UNC13C: variants seen among roughly 807,000 people sequenced by gnomAD.
UNC13C encodes protein unc-13 homolog C.
In UNC13C, 174 loss-of-function variants were observed where a neutral mutation model predicts 245.4. That is an observed-to-expected ratio of 0.71 (90% CI 0.63 to 0.80). UNC13C has a LOEUF of 0.80. UNC13C is among the 30% of genes least tolerant of loss of function. UNC13C has a pLI of 0.00. For synonymous variants in UNC13C, 992 were observed against 895.1 expected (o/e 1.11, Z -1.93); for missense variants, 2,829 against 2,602.9 (o/e 1.09, Z -1.89).
rs1317667034 is a variant in UNC13C, at chr15:54,624,178, TG to T, written c.6359+225del. ...AGGTGTCTGAATCAATCTTTTGCAG[TG>T]CACTCATATAAGTTACTTTCTACAG... On this transcript the variant is annotated intron_variant, in intron 32 of 32. Coordinates refer to ENST00000260323, the MANE Select transcript of UNC13C (RefSeq NM_001080534.3). 5.6e-4 allele frequency among the ~76,000 whole-genome samples: 86 copies of T among 152,300 alleles called. 1 individual carries two copies. Among genetic ancestry groups the T allele is most frequent in the Non-Finnish European group, 2.1e-4 (14 of 68,016 alleles).
chr15:54,454,218 T>C (rs2414311), intron 19 of UNC13C, among the ~76,000 whole-genome samples: 82,337 of 151,822 alleles, frequency 0.54, 22,470 homozygotes, highest in East Asian at 0.69. Context: ...TGTTGTACTA[T>C]TATCACCATC....
intron 2 of UNC13C, among the ~76,000 whole-genome samples, chr15:54,119,041 T>C (rs944168088): frequency 4.0e-5 from 6 of 151,484 alleles, no homozygotes; most frequent in African/African-American, 1.5e-4. Context: ...CCTCTCCAGT[T>C]TTTTGTTTTT....
intron 7 of UNC13C, among the ~76,000 whole-genome samples, chr15:54,249,185 T>G (rs1170135632): frequency 6.6e-6 from 1 of 152,012 alleles, no homozygotes; most frequent in Non-Finnish European, 1.5e-5. Context: ...AAGGACTCAT[T>G]TAACCAATTC....
rs530924681 is a variant in UNC13C at position 54,184,577 on chromosome 15, T to A, written c.3071+40893T>A. Among the ~76,000 whole-genome samples, 80 of 152,266 alleles carry A rather than the reference T, an allele frequency of 5.3e-4. No homozygotes were observed. In the South Asian group the frequency reaches 0.016, roughly 30 times the overall value. On this transcript the variant is annotated intron_variant, in intron 4 of 32. Coordinates refer to ENST00000260323, the MANE Select transcript of UNC13C (RefSeq NM_001080534.3). ...ATGATGGTTTCCAGCTTCATCCATG[T>A]CCCTACAAAGGACATGAACTCATCA...
At chr15:54,120,242 T>A (rs901089342) in intron 2 of UNC13C, among the ~76,000 whole-genome samples, 1 of 152,164 alleles carries the variant, frequency 6.6e-6, no homozygotes, top group African/African-American at 2.4e-5. Flanking sequence ...TAGGAGTTAA[T>A]GCAGCTGGTG....
At chr15:54,345,608 C>CA (rs1217653606) in intron 17 of UNC13C, among the ~76,000 whole-genome samples, 1 of 152,168 alleles carries the variant, frequency 6.6e-6, no homozygotes, top group Non-Finnish European at 1.5e-5. Context: ...TGCATTAACT[C>CA]ACGGATATTT....
chr15:54,539,085 C>T (rs1013482789), intron 26 of UNC13C, among the ~76,000 whole-genome samples: 1 of 151,920 alleles, frequency 6.6e-6, no homozygotes, highest in African/African-American at 2.4e-5. Flanking sequence ...TCTAAATTTT[C>T]CCACAGTCAT....
At chr15:54,201,033 C>T (rs2034505045) in intron 4 of UNC13C, among the ~76,000 whole-genome samples, 1 of 151,882 alleles carries the variant, frequency 6.6e-6, no homozygotes, top group Non-Finnish European at 1.5e-5. Context: ...CTACAATGAA[C>T]ACCTTTATGC....
the UNC13C span, among the ~76,000 whole-genome samples, chr15:53,898,869 A>T: frequency 1.3e-5 from 2 of 152,176 alleles, no homozygotes; most frequent in African/African-American, 4.8e-5. Context: ...TATATTCGCT[A>T]TGCTGTACAT....
the UNC13C span, among the ~76,000 whole-genome samples, chr15:53,855,444 C>G: frequency 1.3e-5 from 2 of 152,114 alleles, no homozygotes; most frequent in African/African-American, 4.8e-5. Flanking sequence ...TCATAAATGG[C>G]TCTCATTATT....
intron 2 of UNC13C, among the ~76,000 whole-genome samples, chr15:54,122,740 G>A (rs77006594): frequency 3.9e-5 from 6 of 152,084 alleles, no homozygotes; most frequent in African/African-American, 1.4e-4. Context: ...GTACAATTTT[G>A]CATCTAGCTT....
At chr15:54,112,429 T>G (rs1470153974) in intron 2 of UNC13C, among the ~76,000 whole-genome samples, 2 of 152,170 alleles carry the variant, frequency 1.3e-5, no homozygotes, top group East Asian at 3.9e-4. Context: ...AGGCATGATG[T>G]TTACATAGTG....
chr15:54,249,758 C>T (rs1390232136), intron 7 of UNC13C, among the ~76,000 whole-genome samples: 1 of 152,074 alleles, frequency 6.6e-6, no homozygotes. Context: ...AGATCCTTCC[C>T]CGGTGATAGG....
At chr15:54,626,055 G>A (rs1267591258) in intron 32 of UNC13C, among the ~76,000 whole-genome samples, 1 of 152,150 alleles carries the variant, frequency 6.6e-6, no homozygotes, top group East Asian at 1.9e-4. Context: ...AAGGAATTTG[G>A]AAGCTGGTAC....
intron 15 of UNC13C, 30 bp from the exon 16 acceptor site, chr15:54,333,737 C>G (rs969291055): frequency 6.7e-7 from 1 of 1,484,294 alleles, no homozygotes; most frequent in African/African-American, 1.4e-5. Context: ...CTGCTGACAA[C>G]CTTATCCATT....
chr15:54,577,393 A>T (rs1898001355), intron 30 of UNC13C, among the ~76,000 whole-genome samples: 1 of 152,176 alleles, frequency 6.6e-6, no homozygotes, highest in African/African-American at 2.4e-5. Context: ...TAGGTAAATT[A>T]CCATGAAAGT....
At chr15:54,376,298 G>T (rs1299427480) in intron 17 of UNC13C, among the ~76,000 whole-genome samples, 2 of 152,080 alleles carry the variant, frequency 1.3e-5, no homozygotes, top group African/African-American at 4.8e-5. Flanking sequence ...GAAAAGAAAG[G>T]TATGGGTTAT....
At chr15:54,482,334 A>G (rs1406662547) in intron 19 of UNC13C, among the ~76,000 whole-genome samples, 1 of 152,078 alleles carries the variant, frequency 6.6e-6, no homozygotes, top group East Asian at 1.9e-4. Flanking sequence ...TGGGTCTTGG[A>G]GGGGTTACAG....
At chr15:54,282,271 A>G (rs193222312) in intron 10 of UNC13C, among the ~76,000 whole-genome samples, 60 of 152,334 alleles carry the variant, frequency 3.9e-4, no homozygotes, top group Admixed American at 3.7e-3. Flanking sequence ...ATACATACAT[A>G]TACACATACA....
Sources: gnomAD v4.1 joint callset for allele counts (sites outside exome capture counted in the v4.1 genomes callset) on GRCh38, gnomAD v4.1.1 for gene constraint, MANE v1.5 for transcripts, NCBI Gene and HGNC (gene_info 2026-07-23, HGNC 2026-07-21) for gene names.